PTPRM: variants seen among roughly 807,000 people sequenced by gnomAD.
PTPRM encodes the protein protein tyrosine phosphatase receptor type M, also known as receptor-type tyrosine-protein phosphatase mu.
In PTPRM, 47 loss-of-function variants were observed where a neutral mutation model predicts 186.7. The observed-to-expected ratio is 0.25, with a 90% CI of 0.20 to 0.32. The LOEUF is 0.32. PTPRM is among the 10% of genes least tolerant of loss of function. The probability of loss-of-function intolerance (pLI) is 1.00; values close to 1 mark genes in which losing one functional copy is unlikely to be tolerated. For synonymous variants in PTPRM, 668 were observed against 674.9 expected, an observed-to-expected ratio of 0.99 and a Z score of 0.16; for missense variants, 1,494 against 1,865.0, an observed-to-expected ratio of 0.80 and a Z score of 3.66.
At chr18:8,119,294 C>A (rs2145788092) in intron 13 of PTPRM, among the ~76,000 whole-genome samples, 1 of 152,148 alleles carries the variant, frequency 6.6e-6, no homozygotes, top group South Asian at 2.1e-4. Context: ...GAAGTTTCTA[C>A]AGACTGTTTT....
At chr18:7,813,222 T>C (rs1185158846) in intron 2 of PTPRM, among the ~76,000 whole-genome samples, 1 of 152,216 alleles carries the variant, frequency 6.6e-6, no homozygotes, top group African/African-American at 2.4e-5. Flanking sequence ...AAAATGTGAA[T>C]GTAAGGGTAC....
Position 8,185,058 on chromosome 18 carries a change from T to C in PTPRM, c.2300+41279T>C, listed in dbSNP as rs142192014. The stretch of plus-strand genomic sequence containing the variant: ...AGTTAGTTGCTGTAGTTTTGAGATA[T>C]ATTAACAGCAAATGTACTTTGCCAA... On this transcript the variant is annotated intron_variant, in intron 14 of 32. Transcript: ENST00000580170. Among the ~76,000 whole-genome samples, 423 of 152,306 alleles carry C rather than the reference T, an allele frequency of 2.8e-3. 1 individual carries two copies. The highest frequency in any genetic ancestry group is 9.2e-3 in the African/African-American group (381 of 41,560).
chr18:8,009,947 A>G (rs2084423856), intron 7 of PTPRM, among the ~76,000 whole-genome samples: 1 of 152,146 alleles, frequency 6.6e-6, no homozygotes, highest in African/African-American at 2.4e-5. Context: ...CTGAATATAA[A>G]CTTACTTTAC....
intron 7 of PTPRM, among the ~76,000 whole-genome samples, chr18:7,990,835 G>A (rs2083230102): frequency 6.6e-6 from 1 of 152,150 alleles, no homozygotes; most frequent in Non-Finnish European, 1.5e-5. Context: ...TGGGGCCTGG[G>A]GGACGGGGGA....
intron 5 of PTPRM, among the ~76,000 whole-genome samples, chr18:7,942,438 G>A (rs1052264409): frequency 2.6e-5 from 4 of 152,068 alleles, no homozygotes; most frequent in African/African-American, 4.8e-5. Context: ...GGTAATAAGC[G>A]GGGTGCACTG....
intron 1 of PTPRM, among the ~76,000 whole-genome samples, chr18:7,745,428 A>G (rs1383475982): frequency 1.3e-5 from 2 of 152,240 alleles, no homozygotes; most frequent in Non-Finnish European, 2.9e-5. Flanking sequence ...GACAGTAGAC[A>G]TCAAAGAGCA....
At chr18:8,158,711 A>G (rs1262731489) in intron 14 of PTPRM, among the ~76,000 whole-genome samples, 2 of 152,218 alleles carry the variant, frequency 1.3e-5, no homozygotes, top group African/African-American at 4.8e-5. Flanking sequence ...TGGTGCCAGC[A>G]TCTGTTCAGC....
At chr18:8,111,609 T>C (rs2091759511) in intron 11 of PTPRM, among the ~76,000 whole-genome samples, 1 of 117,410 alleles carries the variant, frequency 8.5e-6, no homozygotes, top group African/African-American at 3.7e-5. Flanking sequence ...GGAGACTCCA[T>C]CTCAAAAAAA....
intron 23 of PTPRM, among the ~76,000 whole-genome samples, chr18:8,366,660 T>A (rs1598455209): frequency 2.0e-5 from 3 of 152,348 alleles, no homozygotes; most frequent in African/African-American, 7.2e-5. Context: ...TTGTGAGTTT[T>A]AAAGCCAATA....
Position 7,912,451 on chromosome 18 carries a change from A to T in PTPRM, c.547+5868A>T, listed in dbSNP as rs147803912. Reference sequence around the variant, plus strand: ...CTTTTTAGTAAATTTTGAAATTTGGATCAGTGGGTCTTCCAAGTTTGTTCT... The same window carrying T: ...CTTTTTAGTAAATTTTGAAATTTGGTTCAGTGGGTCTTCCAAGTTTGTTCT... On this transcript the variant is annotated intron_variant, in intron 4 of 32. Coordinates refer to ENST00000580170, the MANE Select transcript of PTPRM (RefSeq NM_001105244.2). Among the ~76,000 whole-genome samples, 15 of 152,250 alleles carry T rather than the reference A, an allele frequency of 9.9e-5. No homozygotes were observed. The East Asian group carries it at 2.9e-3, about 29-fold the overall frequency.
intron 7 of PTPRM, among the ~76,000 whole-genome samples, chr18:8,024,997 C>T (rs1042065567): frequency 4.6e-5 from 7 of 152,040 alleles, no homozygotes; most frequent in South Asian, 2.1e-4. Context: ...CATGAGTGAC[C>T]GCACCTGGCC....
intron 7 of PTPRM, among the ~76,000 whole-genome samples, chr18:7,996,563 A>T (rs2083549728): frequency 6.6e-6 from 1 of 152,170 alleles, no homozygotes; most frequent in African/African-American, 2.4e-5. Flanking sequence ...GAGAAAAAAA[A>T]TAAAAGTCTC....
intron 13 of PTPRM, among the ~76,000 whole-genome samples, chr18:8,127,423 T>G (rs1003500123): frequency 6.6e-6 from 1 of 151,446 alleles, no homozygotes; most frequent in Non-Finnish European, 1.5e-5. Context: ...GTATTGTTTT[T>G]TTTTTTTTTT....
chr18:7,990,452 T>C (rs899062256), intron 7 of PTPRM, among the ~76,000 whole-genome samples: 2 of 152,212 alleles, frequency 1.3e-5, no homozygotes. Flanking sequence ...TAGATTGCTG[T>C]GTACTAAATG....
At chr18:8,389,244 C>T (rs998806422) in intron 31 of PTPRM, among the ~76,000 whole-genome samples, 4 of 152,170 alleles carry the variant, frequency 2.6e-5, no homozygotes, top group African/African-American at 7.2e-5. Flanking sequence ...TCGCTCCCCC[C>T]GGGATTAGCA....
intron 2 of PTPRM, among the ~76,000 whole-genome samples, chr18:7,802,286 C>T (rs79231833): frequency 6.6e-6 from 1 of 152,176 alleles, no homozygotes; most frequent in Non-Finnish European, 1.5e-5. Flanking sequence ...AATGTGCTCT[C>T]TCTTTCCAAG....
chr18:8,401,326 G>A (rs1231030913), intron 32 of PTPRM, among the ~76,000 whole-genome samples: 1 of 152,200 alleles, frequency 6.6e-6, no homozygotes, highest in Non-Finnish European at 1.5e-5. Context: ...GAGATTAAGG[G>A]AATGAGCCAC....
chr18:8,375,154 G>T (rs897093652), intron 24 of PTPRM, among the ~76,000 whole-genome samples: 5 of 152,168 alleles, frequency 3.3e-5, no homozygotes, highest in Non-Finnish European at 5.9e-5. Context: ...CAAAACAAAA[G>T]TAAATTAAAA....
intron 14 of PTPRM, among the ~76,000 whole-genome samples, chr18:8,158,407 T>C (rs1168260303): frequency 1.3e-5 from 2 of 152,202 alleles, no homozygotes; most frequent in Non-Finnish European, 2.9e-5. Flanking sequence ...TGAGCATATT[T>C]TTCTTGGGAT....
Sources: allele counts gnomAD v4.1 joint callset (sites outside exome capture counted in the v4.1 genomes callset), GRCh38; gene constraint gnomAD v4.1.1; transcripts MANE v1.5; gene names NCBI Gene and HGNC (gene_info 2026-07-23, HGNC 2026-07-21).